The following CLSTN2 variants were observed in gnomAD, a reference collection of about 807,000 sequenced individuals.
The protein encoded by CLSTN2 is calsyntenin 2.
Under a neutral mutation model 101.2 loss-of-function variants are expected in CLSTN2, and 48 were observed. The observed-to-expected ratio is 0.47, with a 90% CI of 0.38 to 0.60. CLSTN2 has a LOEUF of 0.60. Ranked by LOEUF, CLSTN2 falls within the 20% of genes least tolerant of loss-of-function variation. The probability of loss-of-function intolerance (pLI) is 0.00; values close to 1 mark genes in which losing one functional copy is unlikely to be tolerated. For synonymous variants in CLSTN2, 481 were observed against 463.6 expected (o/e 1.04, Z -0.48); for missense variants, 1,160 against 1,238.2 (o/e 0.94, Z 0.95).
At chr3:140,226,807 G>A (rs1011857488) in intron 2 of CLSTN2, among the ~76,000 whole-genome samples, 1 of 152,128 alleles carries the variant, frequency 6.6e-6, no homozygotes, top group African/African-American at 2.4e-5. Context: ...GGAGCAAGTC[G>A]TGTCTTATAT....
At chr3:140,045,711 T>C (rs572466473) in intron 1 of CLSTN2, among the ~76,000 whole-genome samples, 217 of 152,344 alleles carry the variant, frequency 1.4e-3, no homozygotes, top group African/African-American at 5.1e-3. Context: ...GATTCTGGTA[T>C]GTTGTGTCTT....
intron 10 of CLSTN2, 138 bp downstream of exon 10, chr3:140,546,819 A>G: frequency 1.3e-6 from 1 of 741,282 alleles, no homozygotes; most frequent in South Asian, 2.1e-5. Context: ...TGCAGCCACG[A>G]GATGGGGGTT....
In CLSTN2 at chr3:140,194,444, T is replaced by TG. The variant is rs538404030; in HGVS notation, c.232+18377dup. Among the ~76,000 whole-genome samples the TG allele has an allele frequency of 4.1e-3, 619 of 152,124 alleles. 4 individuals are homozygous for TG. Among genetic ancestry groups the TG allele is most frequent in the African/African-American group, 0.014 (579 of 41,490 alleles). On this transcript the variant is annotated intron_variant, in intron 2 of 16. Transcript: ENST00000458420. The stretch of plus-strand genomic sequence containing the variant: ...AGGTTTCAACATATAAATGAGGAAA[T>TG]GGGGGGACATAAACATTCAGTCTGT...
At chr3:140,208,726 T>C (rs1046737893) in intron 2 of CLSTN2, among the ~76,000 whole-genome samples, 5 of 152,222 alleles carry the variant, frequency 3.3e-5, no homozygotes, top group African/African-American at 1.2e-4. Flanking sequence ...CTTTTTATTT[T>C]ACTCATCTTT....
chr3:140,526,104 A>G (rs984481211), intron 8 of CLSTN2, among the ~76,000 whole-genome samples: 3 of 152,112 alleles, frequency 2.0e-5, no homozygotes, highest in Non-Finnish European at 2.9e-5. Context: ...AAGAAATAAA[A>G]TGCATCCAAA....
chr3:139,947,162 C>T (rs1284325104), intron 1 of CLSTN2, among the ~76,000 whole-genome samples: 1 of 152,214 alleles, frequency 6.6e-6, no homozygotes, highest in South Asian at 2.1e-4. Flanking sequence ...AATGGCTAAC[C>T]CAAAGGAGTG....
chr3:140,299,308 A>T (rs552020092), intron 2 of CLSTN2, among the ~76,000 whole-genome samples: 111 of 152,332 alleles, frequency 7.3e-4, no homozygotes, highest in Non-Finnish European at 1.4e-3. Context: ...GTTGTCCTTA[A>T]CCAAACCTAT....
At chr3:140,037,003 A>G (rs1025803522) in intron 1 of CLSTN2, among the ~76,000 whole-genome samples, 1 of 152,314 alleles carries the variant, frequency 6.6e-6, no homozygotes, top group Non-Finnish European at 1.5e-5. Flanking sequence ...TAAAGTCTGC[A>G]TTTGGAGTAT....
At chr3:140,442,465 C>T (rs1932948845) in intron 5 of CLSTN2, among the ~76,000 whole-genome samples, 2 of 152,208 alleles carry the variant, frequency 1.3e-5, no homozygotes. Flanking sequence ...CTGGCTGACA[C>T]TGGTACTCCT....
At chr3:140,281,279 A>T (rs1293107099) in intron 2 of CLSTN2, among the ~76,000 whole-genome samples, 1 of 152,210 alleles carries the variant, frequency 6.6e-6, no homozygotes, top group African/African-American at 2.4e-5. Flanking sequence ...AGTGTCTAAG[A>T]TGTGGTAGGT....
At position 140,571,752 on chromosome 3, in the gene CLSTN2, T is replaced by A. The variant is rs1237396245; in HGVS notation, c.*5499T>A. 2 of 152,262 alleles carry A rather than the reference T, an allele frequency of 1.3e-5. No homozygotes were observed. Among genetic ancestry groups the A allele is most frequent in the East Asian group, 3.8e-4 (2 of 5,196 alleles). The allele number at this position is 152,262 out of a possible 1,614,324, so 9.4% of individuals were successfully genotyped here. A position where few individuals can be genotyped will look rare whatever the true frequency, so the allele number is the denominator to read the frequency against. ...TATTCTATACCTGCTATGTAGATAA[T>A]GCTCTAGTTTTCCCTTTAGTGCCAA... On this transcript the variant is annotated 3_prime_UTR_variant, in exon 17 of 17. Coordinates refer to ENST00000458420, the MANE Select transcript of CLSTN2 (RefSeq NM_022131.3).
chr3:140,395,738 T>C (rs1244545413), intron 2 of CLSTN2, among the ~76,000 whole-genome samples: 1 of 151,886 alleles, frequency 6.6e-6, no homozygotes, highest in Non-Finnish European at 1.5e-5. Flanking sequence ...ATTGGCACTT[T>C]TCCTTTCCTG....
chr3:139,976,509 A>T (rs1935821339), intron 1 of CLSTN2, among the ~76,000 whole-genome samples: 1 of 152,200 alleles, frequency 6.6e-6, no homozygotes, highest in Non-Finnish European at 1.5e-5. Flanking sequence ...AGGGACTTTA[A>T]ACAACTTGCC....
At chr3:140,140,999 A>T (rs2009689626) in intron 1 of CLSTN2, among the ~76,000 whole-genome samples, 1 of 152,236 alleles carries the variant, frequency 6.6e-6, no homozygotes, top group Admixed American at 6.5e-5. Flanking sequence ...GGACTGATCA[A>T]GGGCCCAAAG....
At chr3:140,115,947 A>C (rs181399133) in intron 1 of CLSTN2, among the ~76,000 whole-genome samples, 5 of 152,112 alleles carry the variant, frequency 3.3e-5, no homozygotes, top group African/African-American at 1.2e-4. Flanking sequence ...GAATGTAGAC[A>C]CTTGTTTTTG....
intron 2 of CLSTN2, among the ~76,000 whole-genome samples, chr3:140,206,252 C>T (rs1186907187): frequency 1.3e-5 from 2 of 152,170 alleles, no homozygotes; most frequent in African/African-American, 4.8e-5. Flanking sequence ...GGGAGAGCTT[C>T]TCCTTCTCCA....
At chr3:140,318,490 G>C (rs973766854) in intron 2 of CLSTN2, among the ~76,000 whole-genome samples, 3 of 152,192 alleles carry the variant, frequency 2.0e-5, no homozygotes, top group Admixed American at 2.0e-4. Flanking sequence ...AGCTATTGAA[G>C]AGCCCCTCTC....
At chr3:140,082,111 G>A (rs1353183558) in intron 1 of CLSTN2, among the ~76,000 whole-genome samples, 7 of 152,140 alleles carry the variant, frequency 4.6e-5, no homozygotes, top group East Asian at 1.9e-4. Flanking sequence ...GACTCACAGC[G>A]GGTGGATGCC....
chr3:140,468,630 T>A (rs1933765354), intron 8 of CLSTN2, among the ~76,000 whole-genome samples: 1 of 152,210 alleles, frequency 6.6e-6, no homozygotes, highest in African/African-American at 2.4e-5. Flanking sequence ...TCCTGGTGGC[T>A]AATGTGTGGC....
Sources: allele counts gnomAD v4.1 joint callset (sites outside exome capture counted in the v4.1 genomes callset), GRCh38; gene constraint gnomAD v4.1.1; transcripts MANE v1.5; gene names NCBI Gene and HGNC (gene_info 2026-07-23, HGNC 2026-07-21).